GPHN: variants seen among roughly 807,000 people sequenced by gnomAD.
GPHN encodes gephyrin.
Under a neutral mutation model 95.5 loss-of-function variants are expected in GPHN, and 17 were observed. The ratio of observed to expected loss-of-function variants is 0.18; its 90% confidence interval spans 0.12 to 0.27. The LOEUF is 0.27. Ranked by LOEUF, GPHN falls within the 10% of genes least tolerant of loss-of-function variation. The probability of loss-of-function intolerance (pLI) is 1.00; values close to 1 mark genes in which losing one functional copy is unlikely to be tolerated. For synonymous variants in GPHN, 320 were observed against 322.5 expected, an observed-to-expected ratio of 0.99 and a Z score of 0.08; for missense variants, 660 against 978.1, an observed-to-expected ratio of 0.67 and a Z score of 4.34.
chr14:66,586,442 G>T (rs997870689), intron 1 of GPHN, among the ~76,000 whole-genome samples: 1 of 152,104 alleles, frequency 6.6e-6, no homozygotes, highest in Non-Finnish European at 1.5e-5. Flanking sequence ...GATGTTAGCT[G>T]GTTATTTTGC....
At chr14:66,740,953 G>A (rs547928196) in intron 2 of GPHN, among the ~76,000 whole-genome samples, 2 of 152,164 alleles carry the variant, frequency 1.3e-5, no homozygotes, top group Non-Finnish European at 1.5e-5. Context: ...CAGTATCAAG[G>A]TGCTAGCATC....
chr14:67,574,767 T>TA, the GPHN span, among the ~76,000 whole-genome samples: 1 of 152,082 alleles, frequency 6.6e-6, no homozygotes, highest in Non-Finnish European at 1.5e-5. The surrounding 1 kb of genome is among the most constrained non-coding windows in gnomAD (Gnocchi z 4.2). Flanking sequence ...CTCAAAGACT[T>TA]AAAGTATCCC....
chr14:67,580,126 TC>T, the GPHN span: 69 of 427,534 alleles, frequency 1.6e-4, no homozygotes, highest in African/African-American at 1.3e-3. Flanking sequence ...CTGTGCAGCG[TC>T]CAGAAGAAAA....
the GPHN span, chr14:67,345,648 A>T: frequency 3.2e-6 from 2 of 618,252 alleles, no homozygotes; most frequent in Non-Finnish European, 2.9e-6. Flanking sequence ...TGCTTTACAT[A>T]GGATCATGGG....
chr14:66,776,983 C>T (rs1160126762), intron 3 of GPHN, among the ~76,000 whole-genome samples: 1 of 151,790 alleles, frequency 6.6e-6, no homozygotes, highest in Non-Finnish European at 1.5e-5. Flanking sequence ...GTGCATTGCA[C>T]CCACTAACTC....
At chr14:67,036,906 C>T (rs988695283) in intron 10 of GPHN, among the ~76,000 whole-genome samples, 3 of 151,910 alleles carry the variant, frequency 2.0e-5, no homozygotes, top group African/African-American at 7.2e-5. Context: ...ATACCACTGA[C>T]ATTTTTTATA....
intron 12 of GPHN, among the ~76,000 whole-genome samples, chr14:67,092,820 T>C (rs1263146155): frequency 1.3e-5 from 2 of 152,142 alleles, no homozygotes; most frequent in East Asian, 1.9e-4. Flanking sequence ...GAAAGTGGCA[T>C]ATTTACAATT....
the GPHN span, among the ~76,000 whole-genome samples, chr14:67,186,871 G>A: frequency 2.6e-5 from 4 of 152,172 alleles, no homozygotes; most frequent in Admixed American, 6.5e-5. Flanking sequence ...ATTTGCAGCC[G>A]AGAGACAATC....
At chr14:66,887,839 G>T (rs1485337251) in intron 5 of GPHN, among the ~76,000 whole-genome samples, 1 of 152,194 alleles carries the variant, frequency 6.6e-6, no homozygotes, top group Non-Finnish European at 1.5e-5. Flanking sequence ...AACATGCTAA[G>T]TGCTCCAATG....
At chr14:67,266,112 ACTT>A in the GPHN span, among the ~76,000 whole-genome samples, 2 of 151,874 alleles carry the variant, frequency 1.3e-5, no homozygotes, top group Non-Finnish European at 2.9e-5. Context: ...TGGTGTAAAA[ACTT>A]CTTTTATATT....
At chr14:67,416,396 C>T in the GPHN span, among the ~76,000 whole-genome samples, 1 of 152,068 alleles carries the variant, frequency 6.6e-6, no homozygotes, top group Admixed American at 6.6e-5. Flanking sequence ...CGGTGAAGTC[C>T]CAGAGTAGCG....
the GPHN span, among the ~76,000 whole-genome samples, chr14:67,291,807 A>T: frequency 6.6e-6 from 1 of 152,230 alleles, no homozygotes; most frequent in Non-Finnish European, 1.5e-5. Flanking sequence ...GAAGATTTTT[A>T]AAAATAATAA....
At chr14:67,730,400 C>T in the GPHN span, among the ~76,000 whole-genome samples, 5 of 152,114 alleles carry the variant, frequency 3.3e-5, no homozygotes, top group Non-Finnish European at 5.9e-5. Context: ...TGAAGACATA[C>T]AGGTTGAGCA....
chr14:67,431,324 G>A, the GPHN span, among the ~76,000 whole-genome samples: 14 of 150,380 alleles, frequency 9.3e-5, no homozygotes, highest in South Asian at 2.3e-3. Context: ...CCTGGGAGGC[G>A]GAGGTTGCAG....
chr14:66,932,315 C>T (rs577457406), intron 8 of GPHN, among the ~76,000 whole-genome samples: 1 of 152,118 alleles, frequency 6.6e-6, no homozygotes, highest in African/African-American at 2.4e-5. Context: ...TGTGTTGGGT[C>T]ACTCCTAAAA....
At chr14:66,845,723 T>C (rs1207180503) in intron 4 of GPHN, among the ~76,000 whole-genome samples, 5 of 152,058 alleles carry the variant, frequency 3.3e-5, no homozygotes, top group African/African-American at 9.7e-5. Flanking sequence ...CTACCACTCA[T>C]AGACATTTTT....
At chr14:67,008,542 T>TATTC (rs2072766442) in intron 9 of GPHN, among the ~76,000 whole-genome samples, 1 of 151,684 alleles carries the variant, frequency 6.6e-6, no homozygotes, top group South Asian at 2.1e-4. Context: ...TTTTAAAATT[T>TATTC]ATTTATTTAT....
At chr14:66,956,378 A>G (rs948431006) in intron 8 of GPHN, among the ~76,000 whole-genome samples, 3 of 152,172 alleles carry the variant, frequency 2.0e-5, no homozygotes, top group African/African-American at 7.2e-5. Context: ...AGCATGATTT[A>G]TAGTCCTTTG....
chr14:67,323,186 A>G, the GPHN span, among the ~76,000 whole-genome samples: 1 of 150,748 alleles, frequency 6.6e-6, no homozygotes, highest in Non-Finnish European at 1.5e-5. Flanking sequence ...TATGTATATA[A>G]TATGTATTAT....
Sources: allele counts gnomAD v4.1 joint callset (sites outside exome capture counted in the v4.1 genomes callset), GRCh38; gene constraint gnomAD v4.1.1; non-coding constraint Gnocchi (gnomAD v3.1); transcripts MANE v1.5; gene names NCBI Gene and HGNC (gene_info 2026-07-23, HGNC 2026-07-21).